TUSC3: variants seen among roughly 807,000 people sequenced by gnomAD.
TUSC3 encodes dolichyl-diphosphooligosaccharide--protein glycosyltransferase subunit TUSC3.
TUSC3 carries 45 observed loss-of-function variants against 44.8 expected under a neutral mutation model. The observed-to-expected ratio is 1.00, with a 90% CI of 0.79 to 1.29. The LOEUF (loss-of-function observed/expected upper bound fraction) is 1.29. TUSC3 is among the 50% of genes most tolerant of loss of function. The pLI is 0.00. For missense variants in TUSC3, 519 were observed against 437.9 expected (o/e 1.19, Z -1.65); for synonymous variants, 212 against 152.9 (o/e 1.39, Z -2.85).
chr8:15,445,471 G>C (rs1381404963), intron 1 of TUSC3, among the ~76,000 whole-genome samples: 1 of 152,164 alleles, frequency 6.6e-6, no homozygotes, highest in African/African-American at 2.4e-5. Context: ...GCGGCCTTCC[G>C]CAGTGTTTGT....
intron 2 of TUSC3, among the ~76,000 whole-genome samples, chr8:15,640,533 T>G (rs1806317253): frequency 6.6e-6 from 1 of 152,210 alleles, no homozygotes; most frequent in African/African-American, 2.4e-5. Flanking sequence ...AAGTTATATA[T>G]TTAATATTCA....
At chr8:15,481,739 A>C (rs1325690417) in intron 1 of TUSC3, among the ~76,000 whole-genome samples, 1 of 149,314 alleles carries the variant, frequency 6.7e-6, no homozygotes, top group African/African-American at 2.5e-5. Context: ...CTTTATTACT[A>C]AAAAAAAATG....
chr8:15,790,281 G>T, the TUSC3 span, among the ~76,000 whole-genome samples: 1 of 146,038 alleles, frequency 6.8e-6, no homozygotes, highest in Non-Finnish European at 1.5e-5. Context: ...CGCCTCCCAG[G>T]TTCAAGCGAT....
At chr8:15,622,297 C>G (rs1438654556) in intron 1 of TUSC3, among the ~76,000 whole-genome samples, 1 of 151,090 alleles carries the variant, frequency 6.6e-6, no homozygotes, top group African/African-American at 2.4e-5. Flanking sequence ...TTTTTCCTTC[C>G]TTTCTTTCTT....
chr8:15,650,926 G>A, intron 3 of TUSC3, 112 bp downstream of exon 3: 3 of 1,105,670 alleles, frequency 2.7e-6, no homozygotes, highest in Admixed American at 1.7e-5. Context: ...GGAGGCGGAG[G>A]TTGCAGTGAG....
chr8:15,695,793 T>G (rs1809133311), intron 6 of TUSC3, among the ~76,000 whole-genome samples: 1 of 152,190 alleles, frequency 6.6e-6, no homozygotes, highest in Non-Finnish European at 1.5e-5. Context: ...CTTGTTACGT[T>G]TTAGCAGAGA....
chr8:15,732,088 A>G (rs1390013329), intron 7 of TUSC3, among the ~76,000 whole-genome samples: 7 of 152,184 alleles, frequency 4.6e-5, no homozygotes, highest in Admixed American at 4.6e-4. Context: ...AATAATCACA[A>G]AAGGCTAGTT....
In TUSC3 at chr8:15,572,724, G is replaced by T. The variant is rs140749515; in HGVS notation, c.138+32156G>T. Among the ~76,000 whole-genome samples, 663 of 152,204 alleles carry T rather than the reference G, an allele frequency of 4.4e-3. 2 individuals are homozygous for T. Among genetic ancestry groups the T allele is most frequent in the African/African-American group, 0.014 (578 of 41,534 alleles). Reference sequence around the variant, plus strand: ...TTGAACACCTAGAGGTCATTGTTGGGTTATTCATTGGCCTAATTTCAATGT... The same window carrying T: ...TTGAACACCTAGAGGTCATTGTTGGTTTATTCATTGGCCTAATTTCAATGT... On this transcript the variant is annotated intron_variant, in intron 1 of 10. Coordinates refer to ENST00000503731, the MANE Select transcript of TUSC3 (RefSeq NM_006765.4).
chr8:15,565,096 A>C (rs1802615355), intron 1 of TUSC3, among the ~76,000 whole-genome samples: 1 of 152,114 alleles, frequency 6.6e-6, no homozygotes, highest in South Asian at 2.1e-4. Context: ...TGGGATGTCC[A>C]AGTCAGTCTC....
At chr8:15,448,776 T>A (rs922804393) in intron 1 of TUSC3, among the ~76,000 whole-genome samples, 2 of 152,158 alleles carry the variant, frequency 1.3e-5, no homozygotes, top group African/African-American at 4.8e-5. Flanking sequence ...AAAAGAGTAC[T>A]GCTAAAATAG....
chr8:15,545,935 C>T (rs1223862601), intron 1 of TUSC3, among the ~76,000 whole-genome samples: 1 of 151,694 alleles, frequency 6.6e-6, no homozygotes, highest in Non-Finnish European at 1.5e-5. Context: ...TGATATTTGG[C>T]ATATCAGACT....
chr8:15,579,157 G>T (rs1276747241), intron 1 of TUSC3, among the ~76,000 whole-genome samples: 1 of 150,840 alleles, frequency 6.6e-6, no homozygotes, highest in African/African-American at 2.4e-5. Context: ...GGGATTGGTG[G>T]TGATATCCCC....
intron 2 of TUSC3, among the ~76,000 whole-genome samples, chr8:15,646,379 C>G (rs189245006): frequency 6.6e-6 from 1 of 152,028 alleles, no homozygotes; most frequent in East Asian, 1.9e-4. Flanking sequence ...TCATTATGTA[C>G]GTAGTGGGGA....
the TUSC3 span, among the ~76,000 whole-genome samples, chr8:15,781,042 GGACA>G: frequency 8.5e-5 from 13 of 152,178 alleles, no homozygotes; most frequent in South Asian, 1.5e-3. Flanking sequence ...GTAGTTAAAG[GGACA>G]GACAAACAGA....
At chr8:15,509,358 G>C (rs6995547) in intron 2 of TUSC3, among the ~76,000 whole-genome samples, 128,873 of 152,206 alleles carry the variant, frequency 0.85, 55,331 homozygotes, top group East Asian at 0.99. Flanking sequence ...CCTGTAATCC[G>C]AACGCTTTGG....
chr8:15,631,750 G>A (rs1805775019), intron 2 of TUSC3, among the ~76,000 whole-genome samples: 1 of 151,704 alleles, frequency 6.6e-6, no homozygotes, highest in South Asian at 2.1e-4. Context: ...GTGTCACCCA[G>A]GCTGGAGTGC....
intron 6 of TUSC3, among the ~76,000 whole-genome samples, chr8:15,695,051 C>G (rs146575247): frequency 6.6e-4 from 100 of 152,290 alleles, no homozygotes; most frequent in African/African-American, 2.3e-3. Context: ...GCCCTCCATT[C>G]ACACTGACAG....
At chr8:15,843,621 T>TATATATACACACAC in the TUSC3 span, among the ~76,000 whole-genome samples, 107 of 146,754 alleles carry the variant, frequency 7.3e-4, 2 homozygotes, top group African/African-American at 2.6e-3. Context: ...TATATATATA[T>TATATATACACACAC]ACACGCACAT....
chr8:15,477,385 CAACT>C (rs1448788918), intron 1 of TUSC3, among the ~76,000 whole-genome samples: 1 of 152,118 alleles, frequency 6.6e-6, no homozygotes, highest in Non-Finnish European at 1.5e-5. Flanking sequence ...TACTTGCAAT[CAACT>C]AACTAGGATA....
Sources: allele counts gnomAD v4.1 joint callset (sites outside exome capture counted in the v4.1 genomes callset), GRCh38; gene constraint gnomAD v4.1.1; transcripts MANE v1.5; gene names NCBI Gene and HGNC (gene_info 2026-07-23, HGNC 2026-07-21).